CHD9NB: variants seen among roughly 807,000 people sequenced by gnomAD.
The protein encoded by CHD9NB is CHD9 neighbor protein.
chr16:53,036,771 C>G, the CHD9NB span, among the ~76,000 whole-genome samples: 2 of 152,190 alleles, frequency 1.3e-5, no homozygotes, highest in African/African-American at 4.8e-5. Context: ...AATCACTAAT[C>G]AATGTTATTT....
the CHD9NB span, among the ~76,000 whole-genome samples, chr16:53,041,547 A>G: frequency 6.6e-6 from 1 of 152,182 alleles, no homozygotes; most frequent in South Asian, 2.1e-4. Context: ...CTGGTTCTGA[A>G]CTTCGAAGGA....
At chr16:53,040,344 G>T in the CHD9NB span, among the ~76,000 whole-genome samples, 2 of 152,038 alleles carry the variant, frequency 1.3e-5, no homozygotes, top group African/African-American at 4.8e-5. Flanking sequence ...AAAGTGCTGG[G>T]ATTACAGGTG....
the CHD9NB span, among the ~76,000 whole-genome samples, chr16:53,036,502 G>C: frequency 1.3e-5 from 2 of 152,100 alleles, no homozygotes; most frequent in African/African-American, 4.8e-5. Flanking sequence ...CTCCCCTCAG[G>C]GTATATGTGT....
the CHD9NB span, among the ~76,000 whole-genome samples, chr16:53,050,068 G>A: frequency 6.6e-6 from 1 of 152,142 alleles, no homozygotes; most frequent in Non-Finnish European, 1.5e-5. Context: ...GCCAGTCGTG[G>A]TGGTAGGTGC....
the CHD9NB span, among the ~76,000 whole-genome samples, chr16:53,050,911 G>A: frequency 3.4e-5 from 5 of 148,532 alleles, no homozygotes; most frequent in East Asian, 6.0e-4. Context: ...TTTTTGAGAC[G>A]GAGTCTCGCT....
the CHD9NB span, among the ~76,000 whole-genome samples, chr16:53,041,690 G>A: frequency 6.6e-6 from 1 of 152,000 alleles, no homozygotes; most frequent in South Asian, 2.1e-4. Flanking sequence ...TCCTGAGTGT[G>A]GACATTGCAA....
At chr16:53,051,768 A>ATATATAT in the CHD9NB span, among the ~76,000 whole-genome samples, 50 of 104,614 alleles carry the variant, frequency 4.8e-4, 6 homozygotes, top group African/African-American at 2.6e-3. Flanking sequence ...TAAAAGTATA[A>ATATATAT]ATATATATAT....
the CHD9NB span, chr16:53,044,210 G>A: frequency 5.0e-6 from 2 of 398,464 alleles, no homozygotes; most frequent in East Asian, 7.1e-5. Flanking sequence ...GGAGGAGGAA[G>A]GTCTGTGCCT....
chr16:53,043,902 A>G, the CHD9NB span: 2 of 397,820 alleles, frequency 5.0e-6, no homozygotes, highest in African/African-American at 2.1e-5. Context: ...CTCTCCTCCC[A>G]GTGATCGGAG....
chr16:53,044,098 C>A, the CHD9NB span: 1 of 398,636 alleles, frequency 2.5e-6, no homozygotes, highest in East Asian at 3.6e-5. Context: ...CCCTCGCGCT[C>A]TTCTTCAAGC....
At chr16:53,039,053 T>C in the CHD9NB span, among the ~76,000 whole-genome samples, 4 of 152,188 alleles carry the variant, frequency 2.6e-5, no homozygotes, top group South Asian at 8.3e-4. Flanking sequence ...TTCTAATTGG[T>C]ATTCATGCTT....
At chr16:53,045,201 G>C in the CHD9NB span, among the ~76,000 whole-genome samples, 1 of 152,140 alleles carries the variant, frequency 6.6e-6, no homozygotes, top group Non-Finnish European at 1.5e-5. Context: ...GGGTTCAAGC[G>C]ATCTGCCTGT....
At chr16:53,037,345 T>C in the CHD9NB span, among the ~76,000 whole-genome samples, 1 of 152,222 alleles carries the variant, frequency 6.6e-6, no homozygotes, top group Non-Finnish European at 1.5e-5. Flanking sequence ...TCCTCTTCCA[T>C]GTTGGGTTCA....
the CHD9NB span, among the ~76,000 whole-genome samples, chr16:53,045,726 GTTACTCC>G: frequency 6.6e-6 from 1 of 152,174 alleles, no homozygotes; most frequent in African/African-American, 2.4e-5. Flanking sequence ...GACCTTCTTG[GTTACTCC>G]TCCCAATCAC....
At chr16:53,051,541 T>C in the CHD9NB span, among the ~76,000 whole-genome samples, 1 of 149,150 alleles carries the variant, frequency 6.7e-6, no homozygotes, top group Non-Finnish European at 1.5e-5. Flanking sequence ...ACACCGCATG[T>C]TCTCACTCAT....
At chr16:53,049,540 T>C in the CHD9NB span, among the ~76,000 whole-genome samples, 8 of 152,166 alleles carry the variant, frequency 5.3e-5, no homozygotes, top group Non-Finnish European at 1.2e-4. Flanking sequence ...CAGCAAATTA[T>C]ACTATTTAGC....
the CHD9NB span, among the ~76,000 whole-genome samples, chr16:53,046,010 C>G: frequency 6.6e-6 from 1 of 152,180 alleles, no homozygotes; most frequent in Admixed American, 6.5e-5. Context: ...AATCAGCTTT[C>G]TTTGAACAAG....
chr16:53,044,573 G>A, the CHD9NB span, among the ~76,000 whole-genome samples: 1 of 152,148 alleles, frequency 6.6e-6, no homozygotes. Flanking sequence ...TTAAGTTCCT[G>A]GGACTCACCC....
At chr16:53,041,714 T>A in the CHD9NB span, among the ~76,000 whole-genome samples, 1 of 151,938 alleles carries the variant, frequency 6.6e-6, no homozygotes, top group South Asian at 2.1e-4. Flanking sequence ...GCTCTCACCA[T>A]GCACAGTCCT....
Sources: allele counts gnomAD v4.1 joint callset (sites outside exome capture counted in the v4.1 genomes callset), GRCh38; gene constraint gnomAD v4.1.1; transcripts MANE v1.5; gene names NCBI Gene and HGNC (gene_info 2026-07-23, HGNC 2026-07-21).